The following GNG12 variants were observed in gnomAD, a reference collection of about 807,000 sequenced individuals.
The protein encoded by GNG12 is G protein subunit gamma 12.
For synonymous variants in GNG12, 28 were observed against 29.7 expected (o/e 0.94, Z 0.19); for missense variants, 69 against 83.8 (o/e 0.82, Z 0.69).
chr1:67,820,677 T>C (rs1272205534), intron 1 of GNG12, among the ~76,000 whole-genome samples: 1 of 152,162 alleles, frequency 6.6e-6, no homozygotes, highest in Non-Finnish European at 1.5e-5. Flanking sequence ...ACTGTGCCTA[T>C]AACCTTCCAA....
chr1:67,751,151 C>T (rs537714520), intron 2 of GNG12, among the ~76,000 whole-genome samples: 2 of 143,164 alleles, frequency 1.4e-5, no homozygotes, highest in South Asian at 5.1e-4. Flanking sequence ...TCATAGTCTA[C>T]CAGGACTGCC....
At chr1:67,738,506 T>G (rs1646464576) in intron 2 of GNG12, among the ~76,000 whole-genome samples, 1 of 152,186 alleles carries the variant, frequency 6.6e-6, no homozygotes, top group South Asian at 2.1e-4. Context: ...ATCTCCAGCT[T>G]CAACCTCCCC....
chr1:67,827,766 G>C (rs1647019800), intron 1 of GNG12, among the ~76,000 whole-genome samples: 2 of 152,106 alleles, frequency 1.3e-5, no homozygotes. Context: ...CTGAAATGCA[G>C]ACCCATTAAA....
chr1:67,826,121 CA>C (rs1432267218), intron 1 of GNG12, among the ~76,000 whole-genome samples: 1 of 152,086 alleles, frequency 6.6e-6, no homozygotes, highest in Non-Finnish European at 1.5e-5. Flanking sequence ...CATGATAAAC[CA>C]AATGGTTAAG....
intron 1 of GNG12, among the ~76,000 whole-genome samples, chr1:67,781,431 A>C (rs538583706): frequency 6.6e-6 from 1 of 152,216 alleles, no homozygotes; most frequent in African/African-American, 2.4e-5. Flanking sequence ...CTGGAGATGC[A>C]GTGGTGAATG....
chr1:67,713,493 T>G (rs1557593523), intron 2 of GNG12, among the ~76,000 whole-genome samples: 1 of 151,722 alleles, frequency 6.6e-6, no homozygotes, highest in Non-Finnish European at 1.5e-5. Context: ...GAGAGCAGGG[T>G]GGGGATGGAA....
At chr1:67,721,699 G>A (rs561494221) in intron 2 of GNG12, among the ~76,000 whole-genome samples, 41 of 152,310 alleles carry the variant, frequency 2.7e-4, no homozygotes, top group African/African-American at 7.7e-4. Context: ...CCTGGCAAGG[G>A]ACATAATATC....
intron 1 of GNG12, among the ~76,000 whole-genome samples, chr1:67,818,083 G>A (rs974381716): frequency 6.6e-6 from 1 of 151,856 alleles, no homozygotes; most frequent in Non-Finnish European, 1.5e-5. Flanking sequence ...CACTGCACCT[G>A]GTCAATAAAT....
intron 1 of GNG12, among the ~76,000 whole-genome samples, chr1:67,810,251 G>C (rs956940789): frequency 3.3e-5 from 5 of 152,210 alleles, no homozygotes; most frequent in Non-Finnish European, 1.5e-5. Context: ...AAAGGGTTAG[G>C]AGGGAGAGAG....
intron 2 of GNG12, among the ~76,000 whole-genome samples, chr1:67,714,607 T>G (rs566785815): frequency 6.6e-6 from 1 of 152,176 alleles, no homozygotes; most frequent in South Asian, 2.1e-4. Flanking sequence ...CATTCCTCAA[T>G]GGACTGGAGC....
intron 1 of GNG12, among the ~76,000 whole-genome samples, chr1:67,788,479 G>A (rs1247818707): frequency 1.3e-5 from 2 of 151,094 alleles, no homozygotes; most frequent in Non-Finnish European, 2.9e-5. Flanking sequence ...GACTACAGGG[G>A]CACTTCACCA....
intron 1 of GNG12, among the ~76,000 whole-genome samples, chr1:67,778,324 A>C (rs950151482): frequency 2.6e-4 from 40 of 152,248 alleles, no homozygotes; most frequent in African/African-American, 9.1e-4. Context: ...TGAGCTAGCC[A>C]CATTTCAAGT....
intron 2 of GNG12, among the ~76,000 whole-genome samples, chr1:67,737,305 C>T (rs1257845256): frequency 1.3e-5 from 2 of 152,146 alleles, no homozygotes; most frequent in African/African-American, 2.4e-5. Flanking sequence ...CATAATTAAT[C>T]ATTATAAAAA....
At chr1:67,775,239 T>C (rs1646698035) in intron 2 of GNG12, among the ~76,000 whole-genome samples, 2 of 152,258 alleles carry the variant, frequency 1.3e-5, no homozygotes, top group Admixed American at 1.3e-4. Flanking sequence ...TCTCATTTTA[T>C]AGATGGGCAA....
intron 1 of GNG12, among the ~76,000 whole-genome samples, chr1:67,813,320 C>T (rs1310433736): frequency 6.6e-6 from 1 of 152,156 alleles, no homozygotes; most frequent in African/African-American, 2.4e-5. Flanking sequence ...TCCCCAAAGC[C>T]CCTCTCGTAA....
At chr1:67,763,480 G>A (rs1570525070) in intron 2 of GNG12, among the ~76,000 whole-genome samples, 2 of 151,508 alleles carry the variant, frequency 1.3e-5, no homozygotes, top group African/African-American at 2.4e-5. Context: ...TTCCTGATTC[G>A]ATGCAGGTTA....
intron 2 of GNG12, among the ~76,000 whole-genome samples, chr1:67,723,643 C>T (rs1255671391): frequency 2.0e-5 from 3 of 152,150 alleles, no homozygotes; most frequent in African/African-American, 4.8e-5. Flanking sequence ...CAAAACAATG[C>T]TATGAGGTTA....
intron 1 of GNG12, among the ~76,000 whole-genome samples, chr1:67,781,668 G>A (rs1169520770): frequency 6.6e-6 from 1 of 152,072 alleles, no homozygotes; most frequent in Non-Finnish European, 1.5e-5. Flanking sequence ...CCAAGTATGA[G>A]GCCATTTGAT....
intron 1 of GNG12, among the ~76,000 whole-genome samples, chr1:67,791,422 A>T (rs1383615096): frequency 1.3e-5 from 2 of 151,948 alleles, no homozygotes; most frequent in African/African-American, 4.8e-5. Context: ...TGATTTCTTA[A>T]CATCTCCCCT....
Sources: gnomAD v4.1 joint callset for allele counts (sites outside exome capture counted in the v4.1 genomes callset) on GRCh38, gnomAD v4.1.1 for gene constraint, MANE v1.5 for transcripts, NCBI Gene and HGNC (gene_info 2026-07-23, HGNC 2026-07-21) for gene names.